RNF167: variants seen among roughly 807,000 people sequenced by gnomAD.
RNF167 encodes the protein ring finger protein 167, also known as E3 ubiquitin-protein ligase RNF167.
RNF167 carries 19 observed loss-of-function variants against 34.8 expected under a neutral mutation model. The observed-to-expected ratio is 0.55, with a 90% confidence interval of 0.38 to 0.80. RNF167 has a LOEUF of 0.80. RNF167 is among the 30% of genes least tolerant of loss of function. RNF167 has a pLI of 0.00. For synonymous variants in RNF167, 200 were observed against 170.4 expected (o/e 1.17, Z -1.35); for missense variants, 464 against 447.0 (o/e 1.04, Z -0.34).
chr17:4,943,578 T>C, intron 8 of RNF167, 59 bp downstream of exon 8: 1 of 1,377,878 alleles, frequency 7.3e-7, no homozygotes, highest in South Asian at 1.2e-5. Context: ...CTGAAGGACT[T>C]TGAGCCCAGA....
intron 3 of RNF167, among the ~76,000 whole-genome samples, chr17:4,941,495 G>A (rs1239323518): frequency 6.6e-6 from 1 of 152,162 alleles, no homozygotes; most frequent in African/African-American, 2.4e-5. Flanking sequence ...TAATCTCTCT[G>A]AGCCTTAGTT....
chr17:4,944,493 TA>T (rs1299226920), intron 8 of RNF167, 64 bp from the exon 9 acceptor site: 1 of 1,516,010 alleles, frequency 6.6e-7, no homozygotes, highest in African/African-American at 1.4e-5. Context: ...TGCAAGGCTT[TA>T]AAAGCCTTAG....
chr17:4,943,123 C>T (rs1336945246), intron 6 of RNF167, 56 bp from the exon 7 acceptor site: 9 of 1,512,176 alleles, frequency 6.0e-6, no homozygotes, highest in South Asian at 1.1e-5. Flanking sequence ...CTTTGTCCCT[C>T]TTTTTTTCTC....
rs238247 is a variant in RNF167 at position 4,942,473 on chromosome 17, G to A, written c.291+7G>A. On this transcript the variant is annotated splice_region_variant and intron_variant, in intron 4 of 9. Transcript: ENST00000262482. Reference sequence around the variant, plus strand: ...CTGCAACTTTGACCTCAAGGTTGCTGAATGAGGAAGGGGAGCTGGGCAGCT... The same window carrying A: ...CTGCAACTTTGACCTCAAGGTTGCTAAATGAGGAAGGGGAGCTGGGCAGCT... 0.54 allele frequency: 865,811 copies of A among 1,613,480 alleles called. 243,302 individuals carry two copies. The highest frequency in any genetic ancestry group is 0.59 in the Non-Finnish European group (697,989 of 1,179,692).
chr17:4,943,296 A>C lies in RNF167; in HGVS notation c.576+12A>C. On this transcript the variant is annotated intron_variant, in intron 7 of 9. Transcript: ENST00000262482. ...TGGGAGCAGTAATGGTGAGTAGCTG[A>C]GGGAACATGATGGGAAGCACTGAGG... 6.2e-7 allele frequency: 1 copy of C among 1,611,432 alleles called. No individual in the cohort carries two copies. Among genetic ancestry groups the C allele is most frequent in the Non-Finnish European group, 8.5e-7 (1 of 1,177,704 alleles).
In RNF167 at chr17:4,944,827, T is replaced by G. The variant is rs761680488; in HGVS notation, c.864T>G (p.Thr288=). 5 of 1,612,466 alleles carry G rather than the reference T, an allele frequency of 3.1e-6. No homozygotes were observed. The African/African-American group carries it at 6.7e-5, about 22-fold the overall frequency. Residue 288 remains threonine (T), a synonymous_variant, in exon 10 of 10, where the codon ACT becomes ACG. Coordinates refer to ENST00000262482, the MANE Select transcript of RNF167 (RefSeq NM_015528.3). ...GGGACGAAGACCAAGAGGAAGAAAC[T>G]CAAGGGCAAGAGGAGGGTGATGAAG... is the stretch of plus-strand genomic sequence containing the variant. The part of the protein sequence containing the change: ...GPGDEDQEEE[T]QGQEEGDEGE...
chr17:4,943,506 T>G lies in RNF167; in HGVS notation c.657T>G (p.His219Gln). The change falls in exon 8 of 10, where the codon CAT (histidine) becomes CAG (glutamine). Residue 219 changes from histidine to glutamine, a missense_variant. Physicochemically the swap from His to Gln is conservative, Grantham distance 24. Transcript: ENST00000262482. ...TKEQLKQIPT[H>Q]DYQKGDQYDV... ...AGCAACTGAAACAGATTCCTACACATGACTATCAGAAGGGTGAGGGGGTTA... is the reference window on the plus strand; with the variant it reads ...AGCAACTGAAACAGATTCCTACACAGGACTATCAGAAGGGTGAGGGGGTTA... 6.2e-7 allele frequency: 1 copy of G among 1,613,298 alleles called. No individual in the cohort carries two copies. Among genetic ancestry groups the G allele is most frequent in the African/African-American group, 1.3e-5 (1 of 75,018 alleles).
chr17:4,943,631 C>A, intron 8 of RNF167, 112 bp downstream of exon 8: 1 of 862,194 alleles, frequency 1.2e-6, no homozygotes, highest in Non-Finnish European at 1.9e-6. Context: ...CACAGTGGCT[C>A]ACGTAATCCC....
intron 8 of RNF167, 89 bp downstream of exon 8, chr17:4,943,608 GGCAGTGGCCGGGC>G: frequency 4.6e-6 from 5 of 1,079,694 alleles, no homozygotes; most frequent in Non-Finnish European, 5.6e-6. Context: ...ATACAAAGAT[GGCAGTGGCCGGGC>G]ACAGTGGCTC....
Position 4,944,389 on chromosome 17 carries a change from C to T in RNF167, c.671-169C>T, listed in dbSNP as rs150798358. On this transcript the variant is annotated intron_variant, in intron 8 of 9. Coordinates refer to ENST00000262482, the MANE Select transcript of RNF167 (RefSeq NM_015528.3). ...TACCTCTGCTTCTCTTTGCTTGTCC[C>T]TTCTAGCCCTAAATTCTTCCATGTT... The T allele has an allele frequency of 3.8e-3, 5,230 of 1,369,838 alleles. 13 individuals are homozygous for T. Among genetic ancestry groups the T allele is most frequent in the Middle Eastern group, 9.3e-3 (35 of 3,770 alleles). The allele number at this position is 1,369,838 out of a possible 1,614,324, so 84.9% of individuals were successfully genotyped here.
At chr17:4,943,971 G>A (rs895506274) in intron 8 of RNF167, among the ~76,000 whole-genome samples, 5 of 152,316 alleles carry the variant, frequency 3.3e-5, no homozygotes, top group African/African-American at 7.2e-5. Flanking sequence ...CAGCCTGGGC[G>A]ACAGAGGGAG....
chr17:4,944,420 C>T (rs1219886995), intron 8 of RNF167, 138 bp from the exon 9 acceptor site: 1 of 1,441,852 alleles, frequency 6.9e-7, no homozygotes, highest in African/African-American at 1.4e-5. Flanking sequence ...ATGTTCTGCC[C>T]TGACCTTATC....
At position 4,941,162 on chromosome 17, in the gene RNF167, T is replaced by G. The variant is rs781726560; in HGVS notation, c.165+5T>G. On this transcript the variant is annotated splice_donor_5th_base_variant and intron_variant, in intron 3 of 9. Transcript: ENST00000262482. ...TTGAGCCAGGAGGGCCTCCAGGTGA[T>G]TTTCTTTCTTTTCTTTTCCTCCTTC... is the stretch of plus-strand genomic sequence containing the variant. 1 of 1,609,412 alleles carries G rather than the reference T, an allele frequency of 6.2e-7. No individual in the cohort carries two copies. Among genetic ancestry groups the G allele is most frequent in the Non-Finnish European group, 8.5e-7 (1 of 1,175,742 alleles).
intron 8 of RNF167, among the ~76,000 whole-genome samples, chr17:4,943,785 G>A (rs763359389): frequency 2.0e-5 from 3 of 152,146 alleles, no homozygotes; most frequent in African/African-American, 4.8e-5. Context: ...CCTTGACCCC[G>A]GGAGTTCAGG....
intron 8 of RNF167, 113 bp downstream of exon 8, chr17:4,943,632 A>G: frequency 1.2e-6 from 1 of 864,012 alleles, no homozygotes; most frequent in Non-Finnish European, 1.9e-6. Flanking sequence ...ACAGTGGCTC[A>G]CGTAATCCCA....
Position 4,943,621 on chromosome 17 carries a change from C to T in RNF167, c.670+102C>T, listed in dbSNP as rs551999752. Reference sequence around the variant, plus strand: ...GTATACAAAGATGGCAGTGGCCGGGCACAGTGGCTCACGTAATCCCAAGTG... The same window carrying T: ...GTATACAAAGATGGCAGTGGCCGGGTACAGTGGCTCACGTAATCCCAAGTG... On this transcript the variant is annotated intron_variant, in intron 8 of 9. Transcript: ENST00000262482. 35 of 928,992 alleles carry T rather than the reference C, an allele frequency of 3.8e-5. No homozygotes were observed. In the African/African-American group the frequency reaches 5.0e-4, roughly 13 times the overall value. The allele number at this position is 928,992 out of a possible 1,614,324, so 57.5% of individuals were successfully genotyped here. A position where few individuals can be genotyped will look rare whatever the true frequency, so the allele number is the denominator to read the frequency against.
At chr17:4,941,904 G>A (rs567215221) in intron 3 of RNF167, among the ~76,000 whole-genome samples, 2 of 152,178 alleles carry the variant, frequency 1.3e-5, no homozygotes, top group African/African-American at 2.4e-5. Flanking sequence ...GTGACAAAAC[G>A]AGACTCCATC....
chr17:4,944,988 C>G lies in RNF167; in HGVS notation c.1025C>G (p.Pro342Arg). ...CCTTCAACAGATCCCCCACTGTCCC[C>G]TCCCTCTTCCCCTGTTATCCTGGTC... ...PGPSTDPPLS[P>R]PSSPVILV The change falls in exon 10 of 10, where the codon CCT (proline) becomes CGT (arginine). Residue 342 changes from proline (P) to arginine (R), a missense_variant. Coordinates refer to ENST00000262482, the MANE Select transcript of RNF167 (RefSeq NM_015528.3). The G allele has an allele frequency of 1.3e-6, 2 of 1,571,568 alleles. No homozygotes were observed.
chr17:4,941,437 C>T (rs987636206), intron 3 of RNF167, among the ~76,000 whole-genome samples: 1 of 152,140 alleles, frequency 6.6e-6, no homozygotes, highest in African/African-American at 2.4e-5. Context: ...CGGTCCTTAT[C>T]AGGAAGGTCT....
Sources: allele counts gnomAD v4.1 joint callset (sites outside exome capture counted in the v4.1 genomes callset), GRCh38; gene constraint gnomAD v4.1.1; transcripts MANE v1.5; gene names NCBI Gene and HGNC (gene_info 2026-07-23, HGNC 2026-07-21).